TMEM221: variants seen among roughly 807,000 people sequenced by gnomAD.
TMEM221 encodes Putative transmembrane protein ENSP00000342162.
TMEM221 carries 11 observed loss-of-function variants against 10.2 expected under a neutral mutation model. The observed-to-expected ratio is 1.08, with a 90% CI of 0.68 to 1.79. TMEM221 has a LOEUF of 1.79. TMEM221 is among the 40% of genes most tolerant of loss of function. The pLI is 0.00. For missense variants in TMEM221, 382 were observed against 417.7 expected, an observed-to-expected ratio of 0.91 and a Z score of 0.75; for synonymous variants, 172 against 199.8, an observed-to-expected ratio of 0.86 and a Z score of 1.18.
rs1452245721 is a variant in TMEM221 at position 17,436,543 on chromosome 19, C to T, written c.791G>A (p.Gly264Glu). ...RMHRTLSAGLGHWDGVTHEMR... is the reference protein window; with the variant it reads ...RMHRTLSAGLEHWDGVTHEMR... The stretch of plus-strand genomic sequence containing the variant: ...CTCGTGCGTAACCCCGTCCCAGTGC[C>T]CCAGGCCAGCCGACAGTGTCCGGTG... Residue 264 changes from glycine (G) to glutamate (E), a missense_variant, in exon 3 of 3, where the codon GGG becomes GAG. By Grantham distance (98) the Gly-to-Glu change is moderately conservative. Transcript: ENST00000341130. 20 of 1,535,946 alleles carry T rather than the reference C, an allele frequency of 1.3e-5. No homozygotes were observed. Among genetic ancestry groups the T allele is most frequent in the Non-Finnish European group, 1.7e-5 (19 of 1,146,890 alleles).
intron 2 of TMEM221, among the ~76,000 whole-genome samples, chr19:17,440,158 G>T (rs143868923): frequency 6.6e-6 from 1 of 151,856 alleles, no homozygotes; most frequent in African/African-American, 2.4e-5. Flanking sequence ...CTGCACTCCA[G>T]CCTGGGTGAC....
At chr19:17,443,071 G>A (rs1446659253) in intron 2 of TMEM221, among the ~76,000 whole-genome samples, 1 of 151,782 alleles carries the variant, frequency 6.6e-6, no homozygotes, top group Non-Finnish European at 1.5e-5. Flanking sequence ...CTGAGGTCAG[G>A]AGATCGTAGA....
intron 2 of TMEM221, among the ~76,000 whole-genome samples, chr19:17,441,901 T>C (rs1481098907): frequency 1.3e-5 from 2 of 151,862 alleles, no homozygotes; most frequent in East Asian, 3.9e-4. Context: ...TAGCTAGCGA[T>C]GAATGGATGA....
intron 2 of TMEM221, among the ~76,000 whole-genome samples, chr19:17,444,035 A>G (rs1330488429): frequency 6.6e-6 from 1 of 150,620 alleles, no homozygotes; most frequent in Non-Finnish European, 1.5e-5. Context: ...TTGTAACCAA[A>G]ACAGCTTTCA....
Position 17,436,794 on chromosome 19 carries a change from G to C in TMEM221, c.540C>G (p.Arg180=), listed in dbSNP as rs1037561136. The C allele has an allele frequency of 3.3e-6, 5 of 1,517,008 alleles. No homozygotes were observed. The highest frequency in any genetic ancestry group is 4.4e-6 in the Non-Finnish European group (5 of 1,135,142). 94.0% of individuals were successfully genotyped at this position (1,517,008 alleles called of 1,614,324 possible). A position where few individuals can be genotyped will look rare whatever the true frequency, so the allele number is the denominator to read the frequency against. ...GCGGGGACAACTCATGGAGCCCACG[G>C]CGGGCAGCCCGGGCAGCCCGGAGGA... ...HTLLRAARAA[R]RGLHELSPPS... The change falls in exon 3 of 3, where the codon CGC becomes CGG. Residue 180 remains arginine (R), a synonymous_variant. Transcript: ENST00000341130.
At chr19:17,442,082 C>T (rs908328964) in intron 2 of TMEM221, among the ~76,000 whole-genome samples, 4 of 151,832 alleles carry the variant, frequency 2.6e-5, no homozygotes, top group Non-Finnish European at 4.4e-5. Context: ...ATATCTTATT[C>T]CCTAGGTCTT....
At chr19:17,442,910 G>A (rs960761730) in intron 2 of TMEM221, among the ~76,000 whole-genome samples, 6 of 151,910 alleles carry the variant, frequency 3.9e-5, no homozygotes, top group Non-Finnish European at 8.8e-5. Context: ...GCAGTGTTCC[G>A]TGCACTTCAC....
intron 2 of TMEM221, among the ~76,000 whole-genome samples, chr19:17,437,920 CTTCTTT>C (rs2074916147): frequency 7.5e-6 from 1 of 133,906 alleles, no homozygotes; most frequent in Non-Finnish European, 1.6e-5. Flanking sequence ...TGTTCTTGTT[CTTCTTT>C]TTTTTTTTTT....
In TMEM221 at chr19:17,436,907, G is replaced by C; in HGVS notation, c.427C>G (p.Leu143Val). Residue 143 changes from leucine (L) to valine (V), a missense_variant, in exon 3 of 3, where the codon CTA (leucine) becomes GTA (valine). Transcript: ENST00000341130. ...YLAALSIYAL[L>V]LFEIETGAAA... ...GCGCCTGTCTCGATCTCGAAAAGTA[G>C]CAAGGCATAGATGGACAGTGCTAGG... 7.0e-7 allele frequency: 1 copy of C among 1,430,138 alleles called. No individual in the cohort carries two copies. Among genetic ancestry groups the C allele is most frequent in the Non-Finnish European group, 9.1e-7 (1 of 1,094,630 alleles). The allele number at this position is 1,430,138 out of a possible 1,614,324, so 88.6% of individuals were successfully genotyped here. A position where few individuals can be genotyped will look rare whatever the true frequency, so the allele number is the denominator to read the frequency against.
intron 1 of TMEM221, among the ~76,000 whole-genome samples, chr19:17,447,466 A>C (rs888742298): frequency 6.6e-6 from 1 of 152,098 alleles, no homozygotes; most frequent in African/African-American, 2.4e-5. Flanking sequence ...GGACCCATGC[A>C]TTTCATTGTC....
At chr19:17,442,477 T>A (rs1182536854) in intron 2 of TMEM221, among the ~76,000 whole-genome samples, 1 of 150,522 alleles carries the variant, frequency 6.6e-6, no homozygotes, top group Non-Finnish European at 1.5e-5. Flanking sequence ...TCTCACTCTG[T>A]CGCCCAGGCT....
Position 17,445,273 on chromosome 19 carries a change from A to G in TMEM221, c.332T>C (p.Phe111Ser). ...TCTGAGGAGGCGGCAGTCGTAGAGA[A>G]ACCAGTCAGACCTGGAATGAAGGGG... The part of the protein sequence containing the change: ...RGPGPRRSDW[F>S]LYDCRLLRHV... Residue 111 changes from phenylalanine (F) to serine (S), a missense_variant, in exon 2 of 3, where the codon TTT becomes TCT. By Grantham distance (155) the Phe-to-Ser change is radical. Coordinates refer to ENST00000341130, the MANE Select transcript of TMEM221 (RefSeq NM_001190844.2). 1 of 1,535,684 alleles carries G rather than the reference A, an allele frequency of 6.5e-7. No individual in the cohort carries two copies. Among genetic ancestry groups the G allele is most frequent in the Non-Finnish European group, 8.7e-7 (1 of 1,146,476 alleles).
At chr19:17,441,228 AAG>A (rs2074930571) in intron 2 of TMEM221, among the ~76,000 whole-genome samples, 2 of 151,520 alleles carry the variant, frequency 1.3e-5, no homozygotes, top group Admixed American at 1.3e-4. Context: ...AAAAAAAAAA[AAG>A]AAGGGACTTT....
Position 17,448,151 on chromosome 19 carries a change from G to T in TMEM221, c.312C>A (p.Gly104=). The T allele has an allele frequency of 1.4e-6, 2 of 1,416,100 alleles. No individual in the cohort carries two copies. Among genetic ancestry groups the T allele is most frequent in the South Asian group, 1.4e-5 (1 of 69,726 alleles). The allele number at this position is 1,416,100 out of a possible 1,614,324, so 87.7% of individuals were successfully genotyped here. Residue 104 remains glycine (G), a synonymous_variant, in exon 1 of 3, where the codon GGC becomes GGA. Coordinates refer to ENST00000341130, the MANE Select transcript of TMEM221 (RefSeq NM_001190844.2). This position sits in a 1 kb window ranked among gnomAD's most constrained non-coding sequence, Gnocchi z 4.7. The stretch of plus-strand genomic sequence containing the variant: ...GAGGCCAGTCCTCCTACCTCCTGGG[G>T]CCAGGCCCCCGCGCCAGCTCGGCGC... ...HLGAELARGP[G]PRRSDWFLYD...
intron 2 of TMEM221, among the ~76,000 whole-genome samples, chr19:17,440,038 CTA>C (rs1176843513): frequency 6.6e-6 from 1 of 151,894 alleles, no homozygotes; most frequent in African/African-American, 2.4e-5. Context: ...AAATAAGAAA[CTA>C]TCGAGGAATG....
At position 17,448,103 on chromosome 19, in the gene TMEM221, C is replaced by A; in HGVS notation, c.320+40G>T. 7.6e-7 allele frequency: 1 copy of A among 1,315,740 alleles called. No individual in the cohort carries two copies. Among genetic ancestry groups the A allele is most frequent in the South Asian group, 1.9e-5 (1 of 52,516 alleles). 81.5% of individuals were successfully genotyped at this position (1,315,740 alleles called of 1,614,324 possible). ...GAGGCTCAACCAGGCTCACCCAGCC[C>A]CCAGCCGGGCCTCCGAGGCGGTGAG... is the stretch of plus-strand genomic sequence containing the variant. On this transcript the variant is annotated intron_variant, in intron 1 of 2. Transcript: ENST00000341130. The surrounding 1 kb of genome is among the most constrained non-coding windows in gnomAD (Gnocchi z 4.7).
chr19:17,442,587 A>G (rs2074936313), intron 2 of TMEM221, among the ~76,000 whole-genome samples: 1 of 151,774 alleles, frequency 6.6e-6, no homozygotes, highest in Non-Finnish European at 1.5e-5. Flanking sequence ...TTACAGGGGT[A>G]TGCCACAATG....
intron 2 of TMEM221, among the ~76,000 whole-genome samples, chr19:17,437,886 T>C (rs113186589): frequency 0.01 from 1,489 of 144,966 alleles, 4 homozygotes; most frequent in Non-Finnish European, 0.017. Flanking sequence ...TTCTTCTCCT[T>C]CTTCTTCTTT....
In TMEM221 at chr19:17,436,754, C is replaced by G. The variant is rs990835413; in HGVS notation, c.580G>C (p.Asp194His). ...HELSPPSFED[D>H]LARPAEVSKA... ...GAGACTTCGGCAGGGCGGGCGAGGTCGTCTTCAAAGGATGGCGGGGACAAC... is the reference window on the plus strand; with the variant it reads ...GAGACTTCGGCAGGGCGGGCGAGGTGGTCTTCAAAGGATGGCGGGGACAAC... Residue 194 changes from aspartate (D) to histidine (H), a missense_variant, in exon 3 of 3, where the codon GAC becomes CAC. By Grantham distance (81) the Asp-to-His change is moderately conservative. Transcript: ENST00000341130. 3.3e-6 allele frequency: 5 copies of G among 1,522,284 alleles called. No individual in the cohort carries two copies. Among genetic ancestry groups the G allele is most frequent in the Non-Finnish European group, 3.5e-6 (4 of 1,138,502 alleles). The allele number at this position is 1,522,284 out of a possible 1,614,324, so 94.3% of individuals were successfully genotyped here.
Sources: allele counts gnomAD v4.1 joint callset (sites outside exome capture counted in the v4.1 genomes callset), GRCh38; gene constraint gnomAD v4.1.1; non-coding constraint Gnocchi (gnomAD v3.1); transcripts MANE v1.5; gene names NCBI Gene and HGNC (gene_info 2026-07-23, HGNC 2026-07-21).